The following WWP2 variants were observed in gnomAD, a reference collection of about 807,000 sequenced individuals.
WWP2 encodes the protein NEDD4-like E3 ubiquitin-protein ligase WWP2.
A neutral mutation model predicts 121.0 loss-of-function variants in WWP2; 57 were observed. The ratio of observed to expected loss-of-function variants is 0.47; its 90% CI spans 0.38 to 0.59. The LOEUF (loss-of-function observed/expected upper bound fraction) is 0.59. Ranked by LOEUF, WWP2 falls within the 20% of genes least tolerant of loss-of-function variation. WWP2 has a pLI of 0.00. For synonymous variants in WWP2, 449 were observed against 441.3 expected, an observed-to-expected ratio of 1.02 and a Z score of -0.22; for missense variants, 962 against 1,158.9, an observed-to-expected ratio of 0.83 and a Z score of 2.47.
rs1313050435 is a variant in WWP2 at position 69,937,517 on chromosome 16, G to C, written c.2239-31G>C. On this transcript the variant is annotated intron_variant, in intron 20 of 23. Transcript: ENST00000359154. This position sits in a 1 kb window ranked among gnomAD's most constrained non-coding sequence, Gnocchi z 6.6. ...GTGGACGATGCGCGGGGAGGGACCT[G>C]CCGGGGATGCTGACTGCCGCCTCTC... 1 of 1,611,276 alleles carries C rather than the reference G, an allele frequency of 6.2e-7. No homozygotes were observed. The highest frequency in any genetic ancestry group is 1.3e-5 in the African/African-American group (1 of 74,960).
rs144873934 is a variant in WWP2 at position 69,938,534 on chromosome 16, A to C, written c.2344-493A>C. ...CTCGGGAAGCTGATGCATGAGAATC[A>C]CTTGAACCTGGGAGGTGGAGACTGC... On this transcript the variant is annotated intron_variant, in intron 21 of 23. Coordinates refer to ENST00000359154, the MANE Select transcript of WWP2 (RefSeq NM_001270454.2). 1.0e-3 allele frequency among the ~76,000 whole-genome samples: 154 copies of C among 152,138 alleles called. 1 individual carries two copies. Among genetic ancestry groups the C allele is most frequent in the African/African-American group, 3.4e-3 (140 of 41,472 alleles).
chr16:69,895,192 A>G (rs992050353), intron 8 of WWP2: 1 of 152,182 alleles, frequency 6.6e-6, no homozygotes, highest in Admixed American at 6.5e-5. Context: ...ACTCTAAGAG[A>G]TGTTGGAATT....
intron 6 of WWP2, among the ~76,000 whole-genome samples, chr16:69,852,106 T>G (rs2057226894): frequency 6.6e-6 from 1 of 152,198 alleles, no homozygotes; most frequent in Non-Finnish European, 1.5e-5. Flanking sequence ...TAAACTGTTT[T>G]CCAAAACGGC....
In WWP2 at chr16:69,935,975, T is replaced by C; in HGVS notation, c.1965T>C (p.Ile655=). 6.2e-7 allele frequency: 1 copy of C among 1,613,958 alleles called. No homozygotes were observed. Among genetic ancestry groups the C allele is most frequent in the Non-Finnish European group, 8.5e-7 (1 of 1,179,970 alleles). The change falls in exon 18 of 24, where the codon ATT becomes ATC. Residue 655 remains isoleucine, a synonymous_variant. Transcript: ENST00000359154. The surrounding 1 kb of genome is among the most constrained non-coding windows in gnomAD (Gnocchi z 5.2). ...TTGACCCTGAGTTCTACAACTCCATTGTCTGGATCAAGTGAGTTCCCTGCC... is the reference window on the plus strand; with the variant it reads ...TTGACCCTGAGTTCTACAACTCCATCGTCTGGATCAAGTGAGTTCCCTGCC... ...ESIDPEFYNS[I]VWIKENNLEE...
In WWP2 at chr16:69,937,709, G is replaced by A. The variant is rs975639698; in HGVS notation, c.2343+57G>A. 43 of 1,571,364 alleles carry A rather than the reference G, an allele frequency of 2.7e-5. No individual in the cohort carries two copies. The highest frequency in any genetic ancestry group is 6.9e-5 in the Admixed American group (4 of 58,342). On this transcript the variant is annotated intron_variant, in intron 21 of 23. Transcript: ENST00000359154. This position sits in a 1 kb window ranked among gnomAD's most constrained non-coding sequence, Gnocchi z 6.6. Reference sequence around the variant, plus strand: ...ATTTGGGCCATCAACCAAAGGAAACGGGTCCTGAGGAGGCCTCACGCGCAA... The same window carrying A: ...ATTTGGGCCATCAACCAAAGGAAACAGGTCCTGAGGAGGCCTCACGCGCAA...
chr16:69,878,418 T>G (rs1348504861), intron 7 of WWP2, among the ~76,000 whole-genome samples: 1 of 152,252 alleles, frequency 6.6e-6, no homozygotes, highest in Non-Finnish European at 1.5e-5. Flanking sequence ...ATATAAAACA[T>G]GCAGAGTGTT....
intron 4 of WWP2, among the ~76,000 whole-genome samples, chr16:69,812,474 C>G (rs1056836403): frequency 1.4e-5 from 2 of 140,426 alleles, no homozygotes; most frequent in African/African-American, 3.0e-5. Context: ...CCCAACCCCC[C>G]CCCTTTTTTT....
chr16:69,780,761 T>C (rs2055646985), intron 1 of WWP2, among the ~76,000 whole-genome samples: 1 of 152,164 alleles, frequency 6.6e-6, no homozygotes, highest in Non-Finnish European at 1.5e-5. Context: ...CCCAGCACTT[T>C]GGAAGGTGGG....
At chr16:69,789,740 CT>C (rs2151798657) in intron 2 of WWP2, among the ~76,000 whole-genome samples, 1 of 152,328 alleles carries the variant, frequency 6.6e-6, no homozygotes, top group African/African-American at 2.4e-5. Flanking sequence ...TGTTGTCAGA[CT>C]TTTAACTTTT....
chr16:69,786,929 A>G, intron 1 of WWP2, 67 bp from the exon 2 acceptor site: 1 of 1,376,488 alleles, frequency 7.3e-7, no homozygotes, highest in East Asian at 2.3e-5. Context: ...AAATATTGAA[A>G]TTGAGTTAAA....
intron 7 of WWP2, among the ~76,000 whole-genome samples, chr16:69,877,244 C>G (rs1253545505): frequency 6.6e-6 from 1 of 152,208 alleles, no homozygotes; most frequent in Non-Finnish European, 1.5e-5. Flanking sequence ...TCTTCCTCAG[C>G]ATTTTCTTCA....
intron 1 of WWP2, among the ~76,000 whole-genome samples, chr16:69,766,331 T>G (rs574116165): frequency 6.6e-6 from 1 of 152,280 alleles, no homozygotes; most frequent in East Asian, 1.9e-4. Context: ...GCCTCCTAAC[T>G]TGTCTCCCTC....
rs781493234 is a variant in WWP2, at chr16:69,925,685, G to A, written c.1234+201G>A. ...GCTGGGAAAGTAACCAAGCTCCACCGAACCACTGTAGCATCCACCCACCAT... is the reference window on the plus strand; with the variant it reads ...GCTGGGAAAGTAACCAAGCTCCACCAAACCACTGTAGCATCCACCCACCAT... On this transcript the variant is annotated intron_variant, in intron 11 of 23. Coordinates refer to ENST00000359154, the MANE Select transcript of WWP2 (RefSeq NM_001270454.2). This position sits in a 1 kb window ranked among gnomAD's most constrained non-coding sequence, Gnocchi z 4.0. Among the ~76,000 whole-genome samples, 5 of 152,142 alleles carry A rather than the reference G, an allele frequency of 3.3e-5. No homozygotes were observed. Among genetic ancestry groups the A allele is most frequent in the African/African-American group, 4.8e-5 (2 of 41,412 alleles).
chr16:69,827,891 C>T, intron 4 of WWP2: 2 of 455,836 alleles, frequency 4.4e-6, no homozygotes, highest in Non-Finnish European at 8.8e-6. Flanking sequence ...TTTATTTCCC[C>T]AGGTACCTTT....
intron 4 of WWP2, among the ~76,000 whole-genome samples, chr16:69,827,364 A>T (rs1045623218): frequency 1.3e-5 from 2 of 152,164 alleles, no homozygotes; most frequent in Non-Finnish European, 2.9e-5. Flanking sequence ...ACTGCACTCC[A>T]GCCTGGGCGA....
At chr16:69,784,430 T>C (rs142835843) in intron 1 of WWP2, among the ~76,000 whole-genome samples, 139 of 152,270 alleles carry the variant, frequency 9.1e-4, no homozygotes, top group Non-Finnish European at 1.4e-3. Flanking sequence ...ATTAACACTT[T>C]GCCTTTTCAC....
At chr16:69,798,482 T>C (rs202098180) in intron 2 of WWP2, among the ~76,000 whole-genome samples, 200 bp from the exon 3 acceptor site, 1 of 141,342 alleles carries the variant, frequency 7.1e-6, no homozygotes, top group Non-Finnish European at 1.5e-5. Context: ...GGTTAGGGAT[T>C]TTTTTTTTTT....
chr16:69,910,703 C>T (rs944298835), intron 9 of WWP2, among the ~76,000 whole-genome samples: 11 of 152,150 alleles, frequency 7.2e-5, no homozygotes, highest in Admixed American at 7.2e-4. Flanking sequence ...GCCACTGCGC[C>T]CAGCCTACTG....
intron 6 of WWP2, among the ~76,000 whole-genome samples, chr16:69,853,795 G>C (rs1049939097): frequency 6.6e-6 from 1 of 152,200 alleles, no homozygotes; most frequent in African/African-American, 2.4e-5. Flanking sequence ...AAGGAGGGAG[G>C]GGGGTACTCC....
Sources: allele counts gnomAD v4.1 joint callset (sites outside exome capture counted in the v4.1 genomes callset), GRCh38; gene constraint gnomAD v4.1.1; non-coding constraint Gnocchi (gnomAD v3.1); transcripts MANE v1.5; gene names NCBI Gene and HGNC (gene_info 2026-07-23, HGNC 2026-07-21).